RCL1: variants seen among roughly 807,000 people sequenced by gnomAD.
The protein encoded by RCL1 is RNA terminal phosphate cyclase like 1.
RCL1 carries 24 observed loss-of-function variants against 42.4 expected under a neutral mutation model. The ratio of observed to expected loss-of-function variants is 0.57; its 90% CI spans 0.41 to 0.80. RCL1 has a LOEUF of 0.80. Among genes scored for constraint, RCL1 ranks in the 30% least tolerant of loss-of-function variants. RCL1 has a pLI of 0.00. For missense variants in RCL1, 578 were observed against 467.9 expected (o/e 1.24, Z -2.17); for synonymous variants, 228 against 177.3 (o/e 1.29, Z -2.27).
intron 1 of RCL1, among the ~76,000 whole-genome samples, chr9:4,809,358 G>A (rs938647436): frequency 4.0e-5 from 6 of 151,640 alleles, no homozygotes; most frequent in African/African-American, 1.5e-4. Context: ...TCGCCAGGCT[G>A]GAGTGCAGTG....
At chr9:4,826,363 A>G (rs114864829) in intron 2 of RCL1, among the ~76,000 whole-genome samples, 1,844 of 152,376 alleles carry the variant, frequency 0.012, 43 homozygotes, top group African/African-American at 0.042. Flanking sequence ...TTAAATTAAA[A>G]GACCTACTAT....
chr9:4,818,909 A>ATT (rs904184282), intron 1 of RCL1, among the ~76,000 whole-genome samples: 13 of 151,792 alleles, frequency 8.6e-5, no homozygotes, highest in East Asian at 5.8e-4. Context: ...TTGAAATCAC[A>ATT]TTATATATAT....
chr9:4,821,690 G>A (rs1248998828), intron 1 of RCL1, among the ~76,000 whole-genome samples: 2 of 151,982 alleles, frequency 1.3e-5, no homozygotes, highest in African/African-American at 2.4e-5. Context: ...GTGTTGTCCA[G>A]TCTGGCCTTC....
chr9:4,837,254 T>C (rs1012600322), intron 5 of RCL1, among the ~76,000 whole-genome samples: 4 of 152,152 alleles, frequency 2.6e-5, no homozygotes, highest in East Asian at 3.8e-4. Flanking sequence ...AATCAAATCC[T>C]GTTGATGGCC....
chr9:4,839,100 T>C (rs956995821), intron 5 of RCL1, among the ~76,000 whole-genome samples: 2 of 152,234 alleles, frequency 1.3e-5, no homozygotes, highest in Non-Finnish European at 2.9e-5. Flanking sequence ...AATCTGATTC[T>C]AGAACTTGGG....
At chr9:4,853,588 T>G (rs2129731334) in intron 8 of RCL1, among the ~76,000 whole-genome samples, 1 of 152,266 alleles carries the variant, frequency 6.6e-6, no homozygotes, top group East Asian at 1.9e-4. Flanking sequence ...CCCAAAGTGC[T>G]GGGATTACAG....
At position 4,851,866 on chromosome 9, in the gene RCL1, AGTCTGTATGTGTG is replaced by A. The variant is rs1817761509; in HGVS notation, c.971+2317_971+2329del. Among the ~76,000 whole-genome samples, 3 of 146,998 alleles carry A rather than the reference AGTCTGTATGTGTG, an allele frequency of 2.0e-5. No individual in the cohort carries two copies. The South Asian group carries it at 6.4e-4, about 31-fold the overall frequency. ...GTTTTCTGTGCTACTTGAGAAAGTA[AGTCTGTATGTGTG>A]AAACTCTTTTTTTTTTTTTGAGACA... On this transcript the variant is annotated intron_variant, in intron 8 of 8. Transcript: ENST00000381750.
At chr9:4,838,057 G>T (rs1209098977) in intron 5 of RCL1, among the ~76,000 whole-genome samples, 1 of 152,156 alleles carries the variant, frequency 6.6e-6, no homozygotes, top group African/African-American at 2.4e-5. Flanking sequence ...TCCAGTTTTG[G>T]AGCCTGGGAA....
chr9:4,795,859 G>A (rs1219977122), intron 1 of RCL1, among the ~76,000 whole-genome samples: 1 of 152,170 alleles, frequency 6.6e-6, no homozygotes, highest in Non-Finnish European at 1.5e-5. Context: ...TATGTGAGAA[G>A]CTGGTTGCCC....
At chr9:4,818,989 A>G (rs1381344839) in intron 1 of RCL1, among the ~76,000 whole-genome samples, 3 of 152,180 alleles carry the variant, frequency 2.0e-5, no homozygotes, top group African/African-American at 7.2e-5. Flanking sequence ...ACATGGTATT[A>G]TAAAGATCTG....
intron 1 of RCL1, among the ~76,000 whole-genome samples, chr9:4,820,040 A>G (rs1816536033): frequency 6.6e-6 from 1 of 152,226 alleles, no homozygotes; most frequent in African/African-American, 2.4e-5. Context: ...GCTCCTTGCC[A>G]TGCCTCTACT....
intron 8 of RCL1, among the ~76,000 whole-genome samples, chr9:4,853,364 C>T (rs1817820332): frequency 6.6e-6 from 1 of 151,286 alleles, no homozygotes; most frequent in Admixed American, 6.6e-5. Context: ...CCTCTGTCGC[C>T]CAGGCTGAGT....
intron 6 of RCL1, among the ~76,000 whole-genome samples, chr9:4,842,864 G>A (rs1177657196): frequency 2.6e-5 from 4 of 152,264 alleles, no homozygotes; most frequent in East Asian, 3.9e-4. Flanking sequence ...TTTGCCTCTC[G>A]CTTTATCAGA....
chr9:4,834,089 T>C, intron 4 of RCL1, 52 bp from the exon 5 acceptor site: 1 of 1,588,278 alleles, frequency 6.3e-7, no homozygotes, highest in South Asian at 1.1e-5. Context: ...GGTGTCAGGG[T>C]AATCCATTGC....
rs1175556357 is a variant in RCL1 at position 4,844,509 on chromosome 9, G to T, written c.711-16G>T. ...TTGGTTAAACCTACTCAGTGTTTGT[G>T]CCTTTGTATCTCCAGGTCTCCGGGC... On this transcript the variant is annotated splice_polypyrimidine_tract_variant and intron_variant, in intron 6 of 8. Transcript: ENST00000381750. 3 of 1,598,816 alleles carry T rather than the reference G, an allele frequency of 1.9e-6. No individual in the cohort carries two copies. The highest frequency in any genetic ancestry group is 2.6e-6 in the Non-Finnish European group (3 of 1,172,292).
chr9:4,839,844 T>C, intron 5 of RCL1: 1 of 985,044 alleles, frequency 1.0e-6, no homozygotes, highest in Non-Finnish European at 1.2e-6. Flanking sequence ...TGTGCATATG[T>C]GAAGAGAGAT....
intron 8 of RCL1, among the ~76,000 whole-genome samples, chr9:4,853,986 A>C (rs117990701): frequency 6.6e-6 from 1 of 152,102 alleles, no homozygotes; most frequent in Non-Finnish European, 1.5e-5. Context: ...GCCTGCCTCT[A>C]CTTGGGGTCA....
At chr9:4,836,030 G>T (rs1339804756) in intron 5 of RCL1, among the ~76,000 whole-genome samples, 1 of 152,152 alleles carries the variant, frequency 6.6e-6, no homozygotes, top group African/African-American at 2.4e-5. Context: ...GGGATTGAGG[G>T]TAAGGGGATG....
intron 1 of RCL1, among the ~76,000 whole-genome samples, chr9:4,816,523 C>T (rs1021635063): frequency 2.6e-5 from 4 of 152,038 alleles, no homozygotes; most frequent in Non-Finnish European, 5.9e-5. Context: ...AATAATTAAG[C>T]CAGTTAGTTG....
Sources: gnomAD v4.1 joint callset for allele counts (sites outside exome capture counted in the v4.1 genomes callset) on GRCh38, gnomAD v4.1.1 for gene constraint, MANE v1.5 for transcripts, NCBI Gene and HGNC (gene_info 2026-07-23, HGNC 2026-07-21) for gene names.